The following PYM1 variants were observed in gnomAD, a reference collection of about 807,000 sequenced individuals.
PYM1 encodes the protein PYM1 exon junction complex associated factor, also known as partner of Y14 and mago.
PYM1 carries 7 observed loss-of-function variants against 20.7 expected under a neutral mutation model. That is an observed-to-expected ratio of 0.34 (90% confidence interval 0.19 to 0.64). PYM1 has a LOEUF of 0.64. PYM1 is among the 30% of genes least tolerant of loss of function. The pLI is 0.74. For synonymous variants in PYM1, 100 were observed against 99.2 expected, an observed-to-expected ratio of 1.01 and a Z score of -0.05; for missense variants, 194 against 250.0, an observed-to-expected ratio of 0.78 and a Z score of 1.51.
At chr12:55,927,669 C>A in intron 1 of PYM1, 56 bp downstream of exon 1, 1 of 1,533,970 alleles carries the variant, frequency 6.5e-7, no homozygotes, top group Non-Finnish European at 8.8e-7. Context: ...ACCCACTCAA[C>A]CACCAGAGAC....
chr12:55,927,657 C>T, intron 1 of PYM1, 68 bp downstream of exon 1: 4 of 1,526,708 alleles, frequency 2.6e-6, no homozygotes, highest in Non-Finnish European at 3.5e-6. Context: ...TGCTGTCGGC[C>T]AACCCACTCA....
intron 1 of PYM1, among the ~76,000 whole-genome samples, chr12:55,924,393 A>C (rs968812670): frequency 2.6e-5 from 4 of 152,164 alleles, no homozygotes; most frequent in Non-Finnish European, 5.9e-5. Context: ...CTGTAATCCC[A>C]ACATTTTGGC....
At chr12:55,926,847 AC>A (rs1883197563) in intron 1 of PYM1, among the ~76,000 whole-genome samples, 2 of 152,198 alleles carry the variant, frequency 1.3e-5, no homozygotes, top group South Asian at 4.1e-4. Context: ...TGAAGCAGGG[AC>A]CAGCACTGAA....
Position 55,902,241 on chromosome 12 carries a change from G to C in PYM1, c.246C>G (p.Gly82=), listed in dbSNP as rs371509313. The C allele has an allele frequency of 2.4e-5, 38 of 1,614,046 alleles. No individual in the cohort carries two copies. Among genetic ancestry groups the C allele is most frequent in the Non-Finnish European group, 3.1e-5 (37 of 1,180,040 alleles). ...GGTTACGTTTGGCTGTCTTGGAGAG[G>C]CCTGGTTCACCACCTTCAGGCCTGG... ...TPSRPEGGEP[G]LSKTAKRNLK... Residue 82 remains glycine (G), a synonymous_variant, in exon 3 of 3, where the codon GGC becomes GGG. Transcript: ENST00000408946.
At chr12:55,922,932 A>G (rs190288197) in intron 1 of PYM1, among the ~76,000 whole-genome samples, 180 of 152,302 alleles carry the variant, frequency 1.2e-3, no homozygotes, top group Admixed American at 2.0e-3. Flanking sequence ...ACAAAAAAAA[A>G]TTAGGTAAAA....
Position 55,902,275 on chromosome 12 carries a change from A to C in PYM1, c.212T>G (p.Val71Gly). ...ACCACCTTCAGGCCTGGATGGGGTGACAGGAGCAGTGGCCTCAGGGCTTAG... is the reference window on the plus strand; with the variant it reads ...ACCACCTTCAGGCCTGGATGGGGTGCCAGGAGCAGTGGCCTCAGGGCTTAG... ...PGLSPEATAPVTPSRPEGGEP... is the reference protein window; with the variant it reads ...PGLSPEATAPGTPSRPEGGEP... Residue 71 changes from valine (V) to glycine (G), a missense_variant, in exon 3 of 3, where the codon GTC (valine) becomes GGC (glycine). This residue lies in a region of PYM1 where 158 missense variants were observed against 179.0 expected (regional missense o/e 0.88). Transcript: ENST00000408946. 1 of 1,614,072 alleles carries C rather than the reference A, an allele frequency of 6.2e-7. No homozygotes were observed. The highest frequency in any genetic ancestry group is 8.5e-7 in the Non-Finnish European group (1 of 1,180,012).
In PYM1 at chr12:55,913,702, GA is replaced by G. The variant is rs1402995062; in HGVS notation, c.38-10223del. The G allele has an allele frequency of 2.0e-5, 3 of 152,370 alleles. No homozygotes were observed. In the East Asian group the frequency reaches 5.8e-4, roughly 29 times the overall value. 9.4% of individuals were successfully genotyped at this position (152,370 alleles called of 1,614,324 possible). A position where few individuals can be genotyped will look rare whatever the true frequency, so the allele number is the denominator to read the frequency against. On this transcript the variant is annotated intron_variant, in intron 1 of 2. Transcript: ENST00000408946. ...TCAACAGGATCCAAAGACTTACCAA[GA>G]TGTGAATTAGAGAGGAAATAATCAA... is the stretch of plus-strand genomic sequence containing the variant.
intron 1 of PYM1, among the ~76,000 whole-genome samples, chr12:55,915,988 CGATA>C (rs1445521826): frequency 4.6e-5 from 7 of 152,272 alleles, no homozygotes; most frequent in Admixed American, 3.9e-4. Context: ...TAAATCTAAA[CGATA>C]GATAGATATC....
At chr12:55,919,784 C>T (rs575203915) in intron 1 of PYM1, among the ~76,000 whole-genome samples, 2 of 151,858 alleles carry the variant, frequency 1.3e-5, no homozygotes, top group East Asian at 3.9e-4. Context: ...CCTGTAATCT[C>T]ATCTATTTGG....
At chr12:55,914,403 T>C (rs1369423287) in intron 1 of PYM1, 1 of 702,066 alleles carries the variant, frequency 1.4e-6, no homozygotes, top group South Asian at 1.5e-5. Flanking sequence ...ATCAGGACTT[T>C]CAGATAATAT....
At chr12:55,921,547 T>C (rs1883097716) in intron 1 of PYM1, among the ~76,000 whole-genome samples, 1 of 152,018 alleles carries the variant, frequency 6.6e-6, no homozygotes, top group Admixed American at 6.6e-5. Flanking sequence ...AATACTCCCA[T>C]AGAAATAAAA....
intron 1 of PYM1, among the ~76,000 whole-genome samples, chr12:55,909,747 G>A (rs1204739495): frequency 6.6e-6 from 1 of 152,140 alleles, no homozygotes; most frequent in Non-Finnish European, 1.5e-5. Flanking sequence ...TCACTAACTA[G>A]GGAAGGAGTA....
In PYM1 at chr12:55,922,491, C is replaced by T. The variant is rs527688694; in HGVS notation, c.37+5234G>A. 1.7e-3 allele frequency among the ~76,000 whole-genome samples: 252 copies of T among 148,952 alleles called. 3 individuals are homozygous for T. The highest frequency in any genetic ancestry group is 6.1e-3 in the African/African-American group (247 of 40,350). ...AATTAGCTGGTCATGATAGCACACG[C>T]CTGTGGTCCTAGATACTCAGGAGGC... On this transcript the variant is annotated intron_variant, in intron 1 of 2. Transcript: ENST00000408946.
chr12:55,927,805 T>TGGCTCTGCCCC lies in PYM1; in HGVS notation c.-55_-45dup, dbSNP rs539349494. The TGGCTCTGCCCC allele has an allele frequency of 2.5e-4, 386 of 1,532,608 alleles. 6 individuals carry two copies. The East Asian group carries it at 3.8e-3, about 15-fold the overall frequency. The allele number at this position is 1,532,608 out of a possible 1,614,324, so 94.9% of individuals were successfully genotyped here. On this transcript the variant is annotated 5_prime_UTR_variant, in exon 1 of 3. Transcript: ENST00000408946. ...CCAGGTTGGGCGGGCGGCCCTGGCC[T>TGGCTCTGCCCC]GGCTCTGCCCCGCTGGGCGGCGCCG...
chr12:55,927,660 C>G (rs918005513), intron 1 of PYM1, 65 bp downstream of exon 1: 1 of 1,528,534 alleles, frequency 6.5e-7, no homozygotes, highest in Non-Finnish European at 8.8e-7. Flanking sequence ...TGTCGGCCAA[C>G]CCACTCAACC....
chr12:55,916,811 A>G (rs1453829813), intron 1 of PYM1, among the ~76,000 whole-genome samples: 2 of 151,876 alleles, frequency 1.3e-5, no homozygotes, highest in African/African-American at 4.8e-5. Context: ...AAAAAAAGAA[A>G]AAAAGAAAGT....
chr12:55,912,555 G>A (rs925836055), intron 1 of PYM1, among the ~76,000 whole-genome samples: 1 of 151,814 alleles, frequency 6.6e-6, no homozygotes, highest in Non-Finnish European at 1.5e-5. Flanking sequence ...TCGCACTCCA[G>A]CCTGGGCAAC....
intron 1 of PYM1, among the ~76,000 whole-genome samples, chr12:55,905,148 C>CCCT (rs1882772506): frequency 6.6e-6 from 1 of 150,534 alleles, no homozygotes; most frequent in Non-Finnish European, 1.5e-5. Context: ...ACTACAGGCG[C>CCCT]CTGCCACCAC....
chr12:55,926,427 T>C (rs992515975), intron 1 of PYM1, among the ~76,000 whole-genome samples: 1 of 152,230 alleles, frequency 6.6e-6, no homozygotes, highest in Non-Finnish European at 1.5e-5. Flanking sequence ...AGCCACTAGA[T>C]ACTTTCCTGT....
Sources: allele counts gnomAD v4.1 joint callset (sites outside exome capture counted in the v4.1 genomes callset), GRCh38; gene constraint gnomAD v4.1.1; regional missense constraint gnomAD v4.1.1; transcripts MANE v1.5; gene names NCBI Gene and HGNC (gene_info 2026-07-23, HGNC 2026-07-21).